Variants in PTPRT observed in about 807,000 individuals in gnomAD.
PTPRT encodes the protein protein tyrosine phosphatase receptor type T.
A neutral mutation model predicts 176.8 loss-of-function variants in PTPRT; 56 were observed. The observed-to-expected ratio is 0.32, with a 90% confidence interval of 0.26 to 0.40. The LOEUF (loss-of-function observed/expected upper bound fraction) is 0.40. PTPRT is among the 10% of genes least tolerant of loss of function. PTPRT has a pLI of 1.00. For synonymous variants in PTPRT, 783 were observed against 739.0 expected (o/e 1.06, Z -0.96); for missense variants, 1,540 against 1,908.2 (o/e 0.81, Z 3.60).
chr20:42,238,612 G>A (rs2056290956), intron 14 of PTPRT, among the ~76,000 whole-genome samples: 1 of 152,210 alleles, frequency 6.6e-6, no homozygotes, highest in African/African-American at 2.4e-5. Context: ...GGACACCTGT[G>A]TTCTCTGTAT....
chr20:42,050,140 C>T, the PTPRT span, among the ~76,000 whole-genome samples: 3 of 152,168 alleles, frequency 2.0e-5, no homozygotes, highest in Non-Finnish European at 2.9e-5. Context: ...AGTGATGTTC[C>T]TTTTTCATTG....
At chr20:42,873,525 C>T (rs777078701) in intron 2 of PTPRT, among the ~76,000 whole-genome samples, 1 of 152,042 alleles carries the variant, frequency 6.6e-6, no homozygotes, top group Non-Finnish European at 1.5e-5. Flanking sequence ...ATGTGAGCCA[C>T]GTATGCAATT....
chr20:43,095,408 G>T (rs1000093681), intron 1 of PTPRT, among the ~76,000 whole-genome samples: 4 of 151,982 alleles, frequency 2.6e-5, no homozygotes, highest in African/African-American at 9.7e-5. Flanking sequence ...GCCAGATGGG[G>T]TTCAGAATTC....
chr20:42,892,058 T>G (rs1270381986), intron 1 of PTPRT, among the ~76,000 whole-genome samples: 1 of 152,230 alleles, frequency 6.6e-6, no homozygotes, highest in African/African-American at 2.4e-5. Flanking sequence ...GGGGCTATAG[T>G]TTGCCAACCC....
At chr20:42,120,370 G>A (rs138882166) in intron 19 of PTPRT, among the ~76,000 whole-genome samples, 229 of 152,228 alleles carry the variant, frequency 1.5e-3, no homozygotes, top group Admixed American at 2.4e-3. Context: ...AAGACCCTAT[G>A]GGACACCCAG....
At chr20:42,957,153 C>G (rs1981691183) in intron 1 of PTPRT, among the ~76,000 whole-genome samples, 1 of 152,094 alleles carries the variant, frequency 6.6e-6, no homozygotes, top group Non-Finnish European at 1.5e-5. Flanking sequence ...CGGAACTCCC[C>G]AGCTCATTTG....
intron 12 of PTPRT, among the ~76,000 whole-genome samples, chr20:42,308,626 C>T (rs2057581622): frequency 6.6e-6 from 1 of 152,190 alleles, no homozygotes; most frequent in Non-Finnish European, 1.5e-5. Context: ...AATTTACTCT[C>T]TCCCGATTTT....
chr20:43,113,461 T>C (rs2012942681), intron 1 of PTPRT, among the ~76,000 whole-genome samples: 1 of 152,232 alleles, frequency 6.6e-6, no homozygotes, highest in African/African-American at 2.4e-5. Context: ...TTTAATTTGA[T>C]GACATTTTTA....
At chr20:42,844,094 G>A (rs1310166054) in intron 2 of PTPRT, among the ~76,000 whole-genome samples, 1 of 152,210 alleles carries the variant, frequency 6.6e-6, no homozygotes, top group Admixed American at 6.5e-5. Context: ...CATCAGAGAA[G>A]GAAAGGCCTG....
intron 1 of PTPRT, among the ~76,000 whole-genome samples, chr20:42,963,661 A>T (rs1241272778): frequency 1.3e-5 from 2 of 152,138 alleles, no homozygotes; most frequent in African/African-American, 2.4e-5. Context: ...TAAAAATCCC[A>T]TACTTACCAT....
In PTPRT at chr20:42,552,939, T is replaced by C. The variant is rs568866246; in HGVS notation, c.1154-80377A>G. Among the ~76,000 whole-genome samples, 17 of 152,276 alleles carry C rather than the reference T, an allele frequency of 1.1e-4. No individual in the cohort carries two copies. In the South Asian group the frequency reaches 3.5e-3, roughly 32 times the overall value. On this transcript the variant is annotated intron_variant, in intron 7 of 30. Coordinates refer to ENST00000373187, the MANE Select transcript of PTPRT (RefSeq NM_007050.6). The stretch of plus-strand genomic sequence containing the variant: ...TAAAATGAAAAATAGTCTCAGGTAC[T>C]GGCAGGCAAGGGCAATAAGAACCGC...
At chr20:42,804,019 T>C (rs981870322) in intron 2 of PTPRT, among the ~76,000 whole-genome samples, 3 of 152,098 alleles carry the variant, frequency 2.0e-5, no homozygotes, top group African/African-American at 7.2e-5. Context: ...AGGTAGGAAA[T>C]GGACACCAGG....
intron 1 of PTPRT, among the ~76,000 whole-genome samples, chr20:43,003,020 T>C (rs1462375888): frequency 6.6e-6 from 1 of 151,704 alleles, no homozygotes; most frequent in Non-Finnish European, 1.5e-5. Flanking sequence ...AAAGTAGAAA[T>C]GAGAAGGAAA....
At chr20:42,427,519 C>G (rs2059176244) in intron 9 of PTPRT, among the ~76,000 whole-genome samples, 5 of 148,844 alleles carry the variant, frequency 3.4e-5, no homozygotes, top group Admixed American at 3.3e-4. Flanking sequence ...CGCCTTCTAG[C>G]TGTGTCTTAA....
At chr20:42,526,361 G>T (rs910245433) in intron 7 of PTPRT, among the ~76,000 whole-genome samples, 3 of 151,720 alleles carry the variant, frequency 2.0e-5, no homozygotes, top group African/African-American at 7.3e-5. Flanking sequence ...TTTCCTCATT[G>T]TTGTTCATGC....
chr20:42,312,720 G>GCA (rs1295257610), intron 12 of PTPRT, among the ~76,000 whole-genome samples: 5 of 151,476 alleles, frequency 3.3e-5, no homozygotes, highest in Non-Finnish European at 5.9e-5. Flanking sequence ...GGAATAGAAG[G>GCA]CACAGGTAAT....
At chr20:43,188,831 G>A (rs1328329946) in intron 1 of PTPRT, among the ~76,000 whole-genome samples, 1 of 137,224 alleles carries the variant, frequency 7.3e-6, no homozygotes, top group Non-Finnish European at 1.6e-5. Context: ...GTGCCCTCCA[G>A]CACCCGCCAA....
chr20:42,846,832 G>T (rs144321761), intron 2 of PTPRT, among the ~76,000 whole-genome samples: 1 of 152,040 alleles, frequency 6.6e-6, no homozygotes, highest in African/African-American at 2.4e-5. Flanking sequence ...TTTTTCCTTT[G>T]TTTTCCTGTG....
At chr20:43,011,908 T>C (rs1481720827) in intron 1 of PTPRT, among the ~76,000 whole-genome samples, 1 of 152,154 alleles carries the variant, frequency 6.6e-6, no homozygotes, top group Non-Finnish European at 1.5e-5. Context: ...CCTTCATCTT[T>C]CTCCTGAGCT....
Sources: allele counts gnomAD v4.1 joint callset (sites outside exome capture counted in the v4.1 genomes callset), GRCh38; gene constraint gnomAD v4.1.1; transcripts MANE v1.5; gene names NCBI Gene and HGNC (gene_info 2026-07-23, HGNC 2026-07-21).